SULF1: variants seen among roughly 807,000 people sequenced by gnomAD.
SULF1 encodes extracellular sulfatase Sulf-1.
In SULF1, 46 loss-of-function variants were observed where a neutral mutation model predicts 110.5. The ratio of observed to expected loss-of-function variants is 0.42; its 90% CI spans 0.33 to 0.53. The LOEUF is 0.53. SULF1 is among the 20% of genes least tolerant of loss of function. SULF1 has a pLI of 0.12. For synonymous variants in SULF1, 371 were observed against 387.1 expected, an observed-to-expected ratio of 0.96 and a Z score of 0.49; for missense variants, 941 against 1,094.2, an observed-to-expected ratio of 0.86 and a Z score of 1.98.
upstream of SULF1, among the ~76,000 whole-genome samples, chr8:69,489,971 C>T (rs577923460): frequency 7.9e-5 from 12 of 152,256 alleles, no homozygotes; most frequent in East Asian, 2.3e-3. Context: ...TGTTCAGGCT[C>T]TGTCTGAAAC....
At chr8:69,601,626 T>C (rs1308188416) in intron 9 of SULF1, 28 bp from the exon 10 acceptor site, 1 of 1,577,094 alleles carries the variant, frequency 6.3e-7, no homozygotes, top group African/African-American at 1.3e-5. Flanking sequence ...CACAATTGAT[T>C]CTGACTTGTT....
chr8:69,586,237 C>A, intron 6 of SULF1, 120 bp from the exon 7 acceptor site: 1 of 1,029,230 alleles, frequency 9.7e-7, no homozygotes, highest in Non-Finnish European at 1.4e-6. Context: ...TTGGCATTCA[C>A]TATTACCTAG....
intron 22 of SULF1, among the ~76,000 whole-genome samples, chr8:69,656,843 T>C (rs1812773311): frequency 6.6e-6 from 1 of 152,206 alleles, no homozygotes; most frequent in Non-Finnish European, 1.5e-5. Flanking sequence ...TATCCAGTAA[T>C]GGGATTGCTG....
intron 22 of SULF1, among the ~76,000 whole-genome samples, chr8:69,654,006 T>C (rs1812539806): frequency 6.6e-6 from 1 of 152,184 alleles, no homozygotes; most frequent in African/African-American, 2.4e-5. Flanking sequence ...CATATGAAAA[T>C]ACCTCCTAGG....
rs900736772 is a variant in SULF1, at chr8:69,610,316, G to A, written c.1377+5384G>A. 3.9e-5 allele frequency among the ~76,000 whole-genome samples: 6 copies of A among 152,264 alleles called. No homozygotes were observed. In the South Asian group the frequency reaches 6.2e-4, roughly 16 times the overall value. ...CTATACAAAACTTATCTCTCTGGCC[G>A]TATATCCTTCTGACCCTTTGTGACC... On this transcript the variant is annotated intron_variant, in intron 13 of 22. Transcript: ENST00000402687.
chr8:69,624,255 C>T, intron 15 of SULF1, 58 bp downstream of exon 15: 8 of 1,516,096 alleles, frequency 5.3e-6, no homozygotes, highest in Non-Finnish European at 7.1e-6. Flanking sequence ...CACAACACAC[C>T]ATATTATCAC....
intron 3 of SULF1, among the ~76,000 whole-genome samples, chr8:69,534,747 C>T (rs1194497663): frequency 6.6e-6 from 1 of 151,884 alleles, no homozygotes; most frequent in African/African-American, 2.4e-5. Flanking sequence ...GGCAAGCTTA[C>T]AAATTTATGA....
intron 3 of SULF1, among the ~76,000 whole-genome samples, chr8:69,559,136 A>C (rs1286287705): frequency 1.3e-5 from 2 of 152,234 alleles, no homozygotes; most frequent in African/African-American, 4.8e-5. Context: ...GGAAAGTAGA[A>C]GCATTTTAAT....
chr8:69,577,998 T>A (rs1173248802), intron 6 of SULF1, among the ~76,000 whole-genome samples: 2 of 152,164 alleles, frequency 1.3e-5, no homozygotes, highest in Non-Finnish European at 2.9e-5. Context: ...TAGGACTAGC[T>A]AAAGTCAAGG....
intron 3 of SULF1, among the ~76,000 whole-genome samples, chr8:69,509,612 T>C (rs4737977): frequency 0.52 from 79,420 of 152,064 alleles, 21,455 homozygotes; most frequent in South Asian, 0.65. Flanking sequence ...TGGCTCCTGT[T>C]GGGCACTAAA....
At chr8:69,498,090 T>C (rs933253733) in intron 2 of SULF1, among the ~76,000 whole-genome samples, 5 of 139,556 alleles carry the variant, frequency 3.6e-5, no homozygotes, top group African/African-American at 1.1e-4. Context: ...ATGAGTGCTC[T>C]CTCTCTCTGT....
intron 1 of SULF1, among the ~76,000 whole-genome samples, chr8:69,486,945 G>A (rs547401013): frequency 1.3e-5 from 2 of 152,254 alleles, no homozygotes; most frequent in South Asian, 2.1e-4. Flanking sequence ...TGATTTACAC[G>A]TCCTTGATTT....
intron 2 of SULF1, among the ~76,000 whole-genome samples, chr8:69,496,427 G>A (rs1455121920): frequency 6.6e-6 from 1 of 152,100 alleles, no homozygotes; most frequent in East Asian, 1.9e-4. Context: ...TTTGACTTTT[G>A]AAATGGTGAA....
intron 3 of SULF1, among the ~76,000 whole-genome samples, chr8:69,554,150 T>C (rs530945083): frequency 3.9e-5 from 6 of 152,332 alleles, no homozygotes; most frequent in African/African-American, 1.4e-4. Flanking sequence ...ACAAGTGCTG[T>C]TCTTGCATAT....
At chr8:69,538,819 A>C (rs964010853) in intron 3 of SULF1, among the ~76,000 whole-genome samples, 3 of 152,006 alleles carry the variant, frequency 2.0e-5, no homozygotes, top group Non-Finnish European at 2.9e-5. Flanking sequence ...CAGCCTCCCG[A>C]GTAGCTGGGA....
At chr8:69,600,843 C>T (rs900931249) in intron 9 of SULF1, 90 bp downstream of exon 9, 7 of 1,360,776 alleles carry the variant, frequency 5.1e-6, no homozygotes, top group Non-Finnish European at 6.0e-6. Context: ...GTTTTTTCCC[C>T]TTCATTTTCC....
In SULF1 at chr8:69,659,625, T is replaced by C. The variant is rs1812982814; in HGVS notation, c.*1090T>C. ...TGAATATCGTAGGGACATAAGTATA[T>C]ACATGTTATCCAATCAAGATGGCTA... is the stretch of plus-strand genomic sequence containing the variant. On this transcript the variant is annotated 3_prime_UTR_variant, in exon 23 of 23. Transcript: ENST00000402687. 1 of 176,778 alleles carries C rather than the reference T, an allele frequency of 5.7e-6. No individual in the cohort carries two copies. The highest frequency in any genetic ancestry group is 2.4e-5 in the African/African-American group (1 of 41,866). The allele number at this position is 176,778 out of a possible 1,614,324, so 11.0% of individuals were successfully genotyped here.
rs556585631 is a variant in SULF1, at chr8:69,601,761, C to A, written c.993C>A (p.Ser331=). The A allele has an allele frequency of 6.2e-7, 1 of 1,613,246 alleles. No homozygotes were observed. Among genetic ancestry groups the A allele is most frequent in the African/African-American group, 1.3e-5 (1 of 75,026 alleles). Residue 331 remains serine, a synonymous_variant, in exon 10 of 23, where the codon TCC becomes TCA. Coordinates refer to ENST00000402687, the MANE Select transcript of SULF1 (RefSeq NM_001128205.2). ...AGTTTGGACTGGTCAAGGGGAAATC[C>A]ATGCCATATGACTTTGATATTCGTG... The part of the protein sequence containing the change: ...IGQFGLVKGK[S]MPYDFDIRVP...
At chr8:69,526,289 C>T (rs568688701) in intron 3 of SULF1, among the ~76,000 whole-genome samples, 1 of 151,952 alleles carries the variant, frequency 6.6e-6, no homozygotes, top group African/African-American at 2.4e-5. Context: ...CTCCCAAGGC[C>T]GTTAGCTGTG....
Sources: allele counts gnomAD v4.1 joint callset (sites outside exome capture counted in the v4.1 genomes callset), GRCh38; gene constraint gnomAD v4.1.1; transcripts MANE v1.5; gene names NCBI Gene and HGNC (gene_info 2026-07-23, HGNC 2026-07-21).